Variants in LRP1B observed in about 807,000 individuals in gnomAD.
The protein encoded by LRP1B is low-density lipoprotein receptor-related protein 1B.
A neutral mutation model predicts 556.6 loss-of-function variants in LRP1B; 217 were observed. That is an observed-to-expected ratio of 0.39 (90% CI 0.35 to 0.44). The LOEUF (loss-of-function observed/expected upper bound fraction) is 0.44, where lower values mean the gene tolerates loss of function less well. Ranked by LOEUF, LRP1B falls within the 20% of genes least tolerant of loss-of-function variation. LRP1B has a pLI of 1.00. For missense variants in LRP1B, 5,053 were observed against 5,620.8 expected (o/e 0.90, Z 3.23); for synonymous variants, 2,047 against 1,865.8 (o/e 1.10, Z -2.50).
chr2:141,796,739 G>T (rs2105676490), intron 2 of LRP1B, among the ~76,000 whole-genome samples: 2 of 151,958 alleles, frequency 1.3e-5, no homozygotes, highest in African/African-American at 4.8e-5. Context: ...TCTTGCATTT[G>T]CAGTTGTAAA....
intron 1 of LRP1B, among the ~76,000 whole-genome samples, chr2:141,846,781 G>A (rs1412241411): frequency 4.0e-5 from 6 of 151,082 alleles, no homozygotes; most frequent in Admixed American, 2.0e-4. Context: ...GATCGTGAAC[G>A]ATATCTTTTA....
intron 2 of LRP1B, among the ~76,000 whole-genome samples, chr2:141,652,467 GA>G (rs1689832752): frequency 6.6e-6 from 1 of 152,154 alleles, no homozygotes; most frequent in South Asian, 2.1e-4. Flanking sequence ...TAAACATTTT[GA>G]ATGTTTTCTG....
At chr2:140,951,061 G>T (rs1184615608) in intron 19 of LRP1B, among the ~76,000 whole-genome samples, 1 of 152,122 alleles carries the variant, frequency 6.6e-6, no homozygotes, top group Non-Finnish European at 1.5e-5. Context: ...AGGCAATGGT[G>T]ACTGTAGGAA....
intron 11 of LRP1B, among the ~76,000 whole-genome samples, chr2:141,025,054 C>G (rs1698178915): frequency 6.6e-6 from 1 of 151,988 alleles, no homozygotes; most frequent in South Asian, 2.1e-4. Flanking sequence ...TGTGAGAGAT[C>G]CATGGAGAAA....
chr2:141,432,617 T>C (rs1680602739), intron 3 of LRP1B, among the ~76,000 whole-genome samples: 2 of 151,778 alleles, frequency 1.3e-5, no homozygotes, highest in African/African-American at 2.4e-5. Flanking sequence ...TATTCAGATG[T>C]TTTATTTTGT....
At chr2:140,537,306 A>G (rs1334347656) in intron 45 of LRP1B, among the ~76,000 whole-genome samples, 2 of 150,556 alleles carry the variant, frequency 1.3e-5, no homozygotes, top group African/African-American at 2.4e-5. Flanking sequence ...GTGTTTTCTT[A>G]CTGGGATCTA....
chr2:140,370,814 T>A lies in LRP1B; in HGVS notation c.10904A>T (p.Asp3635Val), dbSNP rs2105165296. Residue 3635 changes from aspartate (D) to valine (V), a missense_variant, in exon 71 of 91, where the codon GAT (aspartate) becomes GTT (valine). Physicochemically the swap from Asp to Val is radical, Grantham distance 152. Around this residue, in one of 5 missense-constraint regions of LRP1B, gnomAD observed 599 missense variants for 648.4 expected, o/e 0.92. Transcript: ENST00000389484. The stretch of plus-strand genomic sequence containing the variant: ...GGCTTTATTTTTGCACCGAAACTGA[T>A]CTTCCTTACATTCAGTCACACAGTC... ...EMDCVTECKE[D>V]QFRCKNKAHC... 6.2e-7 allele frequency: 1 copy of A among 1,612,690 alleles called. No homozygotes were observed. Among genetic ancestry groups the A allele is most frequent in the East Asian group, 2.2e-5 (1 of 44,774 alleles).
chr2:141,746,639 T>C (rs1472133198), intron 2 of LRP1B, among the ~76,000 whole-genome samples: 2 of 151,988 alleles, frequency 1.3e-5, no homozygotes, highest in Non-Finnish European at 2.9e-5. Context: ...TTTTGGTTTC[T>C]ATGCAGAAAA....
At chr2:141,110,236 AG>A (rs1700715337) in intron 7 of LRP1B, among the ~76,000 whole-genome samples, 1 of 151,952 alleles carries the variant, frequency 6.6e-6, no homozygotes, top group African/African-American at 2.4e-5. Context: ...ATAAAGCCAA[AG>A]GATATAAATT....
rs936518876 is a variant in LRP1B, at chr2:141,043,951, C to T, written c.1789+5035G>A. On this transcript the variant is annotated intron_variant, in intron 11 of 90. Coordinates refer to ENST00000389484, the MANE Select transcript of LRP1B (RefSeq NM_018557.3). ...GTTCATATGGAACCAAAAAAGAGCT[C>T]GCATCACCAAGTCCATCCTAAGCCA... 8.6e-5 allele frequency among the ~76,000 whole-genome samples: 13 copies of T among 151,984 alleles called. 1 individual carries two copies. Among genetic ancestry groups the T allele is most frequent in the South Asian group, 2.1e-4 (1 of 4,806 alleles).
chr2:141,273,232 C>G (rs1685155747), intron 3 of LRP1B, among the ~76,000 whole-genome samples: 2 of 151,918 alleles, frequency 1.3e-5, no homozygotes, highest in South Asian at 4.2e-4. Flanking sequence ...TCACTTGTAC[C>G]CAGGAGGTAG....
chr2:140,487,174 A>G (rs1332482446), intron 58 of LRP1B, among the ~76,000 whole-genome samples: 1 of 151,928 alleles, frequency 6.6e-6, no homozygotes, highest in African/African-American at 2.4e-5. Context: ...TTTTACACAA[A>G]TGAATTCAAT....
At chr2:141,314,685 G>A (rs1273123882) in intron 3 of LRP1B, among the ~76,000 whole-genome samples, 2 of 150,052 alleles carry the variant, frequency 1.3e-5, no homozygotes, top group Non-Finnish European at 1.5e-5. Flanking sequence ...CACCTAATCG[G>A]GAGGCTGAGG....
At chr2:140,571,711 A>G (rs1681328094) in intron 43 of LRP1B, among the ~76,000 whole-genome samples, 1 of 151,802 alleles carries the variant, frequency 6.6e-6, no homozygotes, top group African/African-American at 2.4e-5. Flanking sequence ...TCCTGAGAAA[A>G]GTAAAAAAAC....
chr2:141,738,511 T>C (rs1277724057), intron 2 of LRP1B, among the ~76,000 whole-genome samples: 1 of 152,122 alleles, frequency 6.6e-6, no homozygotes, highest in Non-Finnish European at 1.5e-5. Flanking sequence ...GTAAGTAGGA[T>C]ACATTGGCCC....
At chr2:141,570,780 T>C (rs915652111) in intron 2 of LRP1B, among the ~76,000 whole-genome samples, 1 of 151,320 alleles carries the variant, frequency 6.6e-6, no homozygotes, top group Admixed American at 6.6e-5. Flanking sequence ...ACACCAGCTG[T>C]GGTAATCTGC....
intron 2 of LRP1B, among the ~76,000 whole-genome samples, chr2:141,688,175 C>T (rs1286201925): frequency 1.3e-5 from 2 of 151,728 alleles, no homozygotes; most frequent in South Asian, 2.1e-4. Context: ...TTCTGTCACA[C>T]GTTTTAGTTC....
intron 2 of LRP1B, among the ~76,000 whole-genome samples, chr2:141,573,330 G>C (rs79485469): frequency 6.6e-6 from 1 of 152,104 alleles, no homozygotes; most frequent in Non-Finnish European, 1.5e-5. Context: ...TGAACAACCT[G>C]CTCCTGAATG....
chr2:141,617,742 T>C (rs562641119), intron 2 of LRP1B, among the ~76,000 whole-genome samples: 2 of 152,180 alleles, frequency 1.3e-5, no homozygotes, highest in Non-Finnish European at 2.9e-5. Context: ...ATGTAATTAA[T>C]ACCAAGTTTA....
Sources: gnomAD v4.1 joint callset for allele counts (sites outside exome capture counted in the v4.1 genomes callset) on GRCh38, gnomAD v4.1.1 for gene constraint, gnomAD v4.1.1 regional missense constraint, MANE v1.5 for transcripts, NCBI Gene and HGNC (gene_info 2026-07-23, HGNC 2026-07-21) for gene names.